Variants in TMEM181 observed in about 807,000 individuals in gnomAD.
TMEM181 encodes the protein G protein-coupled receptor 178.
Under a neutral mutation model 71.9 loss-of-function variants are expected in TMEM181, and 39 were observed. The ratio of observed to expected loss-of-function variants is 0.54; its 90% CI spans 0.42 to 0.71. The LOEUF (loss-of-function observed/expected upper bound fraction) is 0.71. TMEM181 is among the 30% of genes least tolerant of loss of function. The probability of loss-of-function intolerance (pLI) is 0.00; values close to 1 mark genes in which losing one functional copy is unlikely to be tolerated. For synonymous variants in TMEM181, 245 were observed against 228.8 expected, an observed-to-expected ratio of 1.07 and a Z score of -0.64; for missense variants, 595 against 583.0, an observed-to-expected ratio of 1.02 and a Z score of -0.21.
chr6:158,585,970 G>T (rs1392723686), intron 5 of TMEM181, among the ~76,000 whole-genome samples: 1 of 152,160 alleles, frequency 6.6e-6, no homozygotes, highest in African/African-American at 2.4e-5. Flanking sequence ...GACTGCAAGC[G>T]TATGCTACCA....
chr6:158,539,152 G>A (rs1179509521), intron 1 of TMEM181, among the ~76,000 whole-genome samples: 2 of 152,184 alleles, frequency 1.3e-5, no homozygotes, highest in Non-Finnish European at 2.9e-5. Context: ...CAGATTCACA[G>A]CGGTTGGAAG....
rs191254564 is a variant in TMEM181 at position 158,554,439 on chromosome 6, C to T, written c.131+17574C>T. On this transcript the variant is annotated intron_variant, in intron 1 of 16. Transcript: ENST00000367090. ...TTTGCCATGTTGGCCAGGCTGGTCTCGAACTCCTGACCGCAGGTGATCCAC... is the reference window on the plus strand; with the variant it reads ...TTTGCCATGTTGGCCAGGCTGGTCTTGAACTCCTGACCGCAGGTGATCCAC... 1.0e-3 allele frequency among the ~76,000 whole-genome samples: 155 copies of T among 152,198 alleles called. 1 individual carries two copies. Among genetic ancestry groups the T allele is most frequent in the Middle Eastern group, 3.4e-3 (1 of 294 alleles).
At chr6:158,623,415 G>A (rs564423539) in intron 10 of TMEM181, 135 bp from the exon 11 acceptor site, 4 of 541,436 alleles carry the variant, frequency 7.4e-6, no homozygotes, top group East Asian at 3.3e-5. Flanking sequence ...GGATTGCTTT[G>A]TAAAAATCCT....
At chr6:158,627,892 G>C (rs1015067035) in intron 13 of TMEM181, among the ~76,000 whole-genome samples, 1 of 152,198 alleles carries the variant, frequency 6.6e-6, no homozygotes, top group Non-Finnish European at 1.5e-5. Context: ...CGAGGCCTCT[G>C]TTGTCATCTG....
intron 1 of TMEM181, among the ~76,000 whole-genome samples, chr6:158,564,652 CGCACCT>C (rs966662752): frequency 1.6e-4 from 24 of 152,142 alleles, no homozygotes; most frequent in Non-Finnish European, 5.9e-5. Context: ...TGATTCCACC[CGCACCT>C]GCCAGCAACT....
intron 3 of TMEM181, among the ~76,000 whole-genome samples, chr6:158,583,048 C>G (rs1783564358): frequency 6.6e-6 from 1 of 152,090 alleles, no homozygotes; most frequent in Non-Finnish European, 1.5e-5. Flanking sequence ...GTCTGGCCAA[C>G]ACGGTGAAAC....
chr6:158,569,597 C>CTT lies in TMEM181; in HGVS notation c.9-3808_9-3807dup, dbSNP rs57907555. Among the ~76,000 whole-genome samples the CTT allele has an allele frequency of 1.8e-3, 254 of 139,924 alleles. 1 individual carries two copies. Among genetic ancestry groups the CTT allele is most frequent in the African/African-American group, 5.9e-3 (224 of 38,246 alleles). 91.8% of individuals were successfully genotyped at this position (139,924 alleles called of 152,430 possible). A position where few individuals can be genotyped will look rare whatever the true frequency, so the allele number is the denominator to read the frequency against. Reference sequence around the variant, plus strand: ...CGGGTTGTGCCCTCATGCCCTTTCTCTTTTTTTTTTTTTTTTAAATTGAGA... The same window carrying CTT: ...CGGGTTGTGCCCTCATGCCCTTTCTCTTTTTTTTTTTTTTTTTTAAATTGAGA... On this transcript the variant is annotated intron_variant, in intron 1 of 16. Transcript: ENST00000684151.
At position 158,623,483 on chromosome 6, in the gene TMEM181, G is replaced by C. The variant is rs1786091761; in HGVS notation, c.897-67G>C. ...AGTAAAAAAAACAAAAAGTCAATAA[G>C]AAAAAATGTAAAATAAAAAGTAAAG... On this transcript the variant is annotated intron_variant, in intron 10 of 16. Coordinates refer to ENST00000684151, the MANE Select transcript of TMEM181 (RefSeq NM_001376852.1). The C allele has an allele frequency of 5.3e-6, 6 of 1,138,508 alleles. No individual in the cohort carries two copies. The Admixed American group carries it at 1.8e-4, about 34-fold the overall frequency. 70.5% of individuals were successfully genotyped at this position (1,138,508 alleles called of 1,614,324 possible).
At chr6:158,566,486 C>T (rs370029310) in intron 1 of TMEM181, among the ~76,000 whole-genome samples, 1 of 75,028 alleles carries the variant, frequency 1.3e-5, no homozygotes, top group Non-Finnish European at 2.7e-5. Flanking sequence ...TGGTGAGCTC[C>T]TGAGGGAGGT....
intron 1 of TMEM181, among the ~76,000 whole-genome samples, chr6:158,554,155 G>A (rs1781804899): frequency 6.6e-6 from 1 of 150,380 alleles, no homozygotes; most frequent in African/African-American, 2.5e-5. Context: ...GCCCGGTCTT[G>A]GCTCACTGCA....
intron 10 of TMEM181, among the ~76,000 whole-genome samples, chr6:158,614,954 G>T (rs760244539): frequency 6.6e-6 from 1 of 152,182 alleles, no homozygotes; most frequent in Non-Finnish European, 1.5e-5. Context: ...ACATACGTGT[G>T]CATGTGTCTT....
At chr6:158,538,454 C>T (rs1781214923) in intron 1 of TMEM181, among the ~76,000 whole-genome samples, 1 of 143,938 alleles carries the variant, frequency 6.9e-6, no homozygotes, top group Non-Finnish European at 1.5e-5. Context: ...CATGCCTGGC[C>T]TTTTTTTTTT....
Position 158,602,678 on chromosome 6 carries a change from A to T in TMEM181, c.493-2589A>T, listed in dbSNP as rs1000919646. Among the ~76,000 whole-genome samples, 3 of 152,000 alleles carry T rather than the reference A, an allele frequency of 2.0e-5. No individual in the cohort carries two copies. In the East Asian group the frequency reaches 5.8e-4, roughly 29 times the overall value. Reference sequence around the variant, plus strand: ...TAGGCTAGAGTGCAGTGAGATGATCATGGCTCACTGACCCTGGCCTCCTGA... The same window carrying T: ...TAGGCTAGAGTGCAGTGAGATGATCTTGGCTCACTGACCCTGGCCTCCTGA... On this transcript the variant is annotated intron_variant, in intron 6 of 16. Coordinates refer to ENST00000684151, the MANE Select transcript of TMEM181 (RefSeq NM_001376852.1).
intron 1 of TMEM181, among the ~76,000 whole-genome samples, chr6:158,538,136 C>G (rs1384545143): frequency 2.2e-5 from 3 of 134,430 alleles, no homozygotes; most frequent in African/African-American, 9.1e-5. Flanking sequence ...CCCCCGCCCC[C>G]TACTCTGTTT....
chr6:158,572,584 C>A, intron 1 of TMEM181: 1 of 412,224 alleles, frequency 2.4e-6, no homozygotes, highest in South Asian at 1.7e-5. Flanking sequence ...AGAAGTAGAG[C>A]TGTGCCTTGC....
chr6:158,575,747 T>C (rs1582970074), intron 2 of TMEM181, among the ~76,000 whole-genome samples: 1 of 152,328 alleles, frequency 6.6e-6, no homozygotes, highest in East Asian at 1.9e-4. Context: ...CACAGGCCTC[T>C]TTCCTACATT....
intron 10 of TMEM181, among the ~76,000 whole-genome samples, chr6:158,613,164 A>C (rs534931881): frequency 6.6e-6 from 1 of 152,332 alleles, no homozygotes; most frequent in African/African-American, 2.4e-5. Context: ...CCTGTAACAG[A>C]TGTAATTTAA....
At chr6:158,579,833 A>C (rs1324780031) in intron 2 of TMEM181, among the ~76,000 whole-genome samples, 1 of 152,228 alleles carries the variant, frequency 6.6e-6, no homozygotes, top group Non-Finnish European at 1.5e-5. Context: ...AAAGATAAAT[A>C]CTATAAGATT....
chr6:158,566,792 CG>C (rs1782532786), intron 1 of TMEM181, among the ~76,000 whole-genome samples: 4 of 151,838 alleles, frequency 2.6e-5, no homozygotes, highest in East Asian at 1.9e-4. Context: ...GAGAGACCGA[CG>C]GAAGTTTTCC....
Sources: gnomAD v4.1 joint callset for allele counts (sites outside exome capture counted in the v4.1 genomes callset) on GRCh38, gnomAD v4.1.1 for gene constraint, MANE v1.5 for transcripts, NCBI Gene and HGNC (gene_info 2026-07-23, HGNC 2026-07-21) for gene names.